Variants in XKR4 observed in about 807,000 individuals in gnomAD.
XKR4 encodes XK-related protein 4.
XKR4 carries 12 observed loss-of-function variants against 53.9 expected under a neutral mutation model. The observed-to-expected ratio is 0.22, with a 90% CI of 0.14 to 0.36. The LOEUF (loss-of-function observed/expected upper bound fraction) is 0.36. XKR4 is among the 10% of genes least tolerant of loss of function. The probability of loss-of-function intolerance (pLI) is 1.00; values close to 1 mark genes in which losing one functional copy is unlikely to be tolerated. For missense variants in XKR4, 799 were observed against 859.5 expected, an observed-to-expected ratio of 0.93 and a Z score of 0.88; for synonymous variants, 354 against 362.4, an observed-to-expected ratio of 0.98 and a Z score of 0.26.
At chr8:55,454,003 C>T (rs773825268) in intron 2 of XKR4, 23 of 864,870 alleles carry the variant, frequency 2.7e-5, no homozygotes, top group Admixed American at 1.5e-4. Flanking sequence ...TGACAGGCTC[C>T]GGGTGAATGC....
chr8:55,103,851 G>GTA (rs60831330), intron 1 of XKR4, among the ~76,000 whole-genome samples: 7,090 of 104,304 alleles, frequency 0.068, 206 homozygotes, highest in Non-Finnish European at 0.085. Context: ...AAATGACTTT[G>GTA]TATATATATA....
intron 2 of XKR4, among the ~76,000 whole-genome samples, chr8:55,386,586 A>G (rs1271657547): frequency 6.6e-6 from 1 of 152,212 alleles, no homozygotes; most frequent in Non-Finnish European, 1.5e-5. Context: ...TATTGCCAAA[A>G]TGGAGATTGG....
At chr8:55,318,783 C>T (rs1015177312) in intron 1 of XKR4, among the ~76,000 whole-genome samples, 2 of 152,146 alleles carry the variant, frequency 1.3e-5, no homozygotes, top group Non-Finnish European at 2.9e-5. Flanking sequence ...CACGCAACCT[C>T]CAGAGCAGTG....
chr8:55,282,704 G>A (rs1355593185), intron 1 of XKR4, among the ~76,000 whole-genome samples: 1 of 152,150 alleles, frequency 6.6e-6, no homozygotes, highest in Non-Finnish European at 1.5e-5. Context: ...ATTTTGACAC[G>A]AGATTTGGAG....
intron 1 of XKR4, among the ~76,000 whole-genome samples, chr8:55,343,104 G>A (rs544162800): frequency 3.3e-5 from 5 of 152,258 alleles, no homozygotes; most frequent in East Asian, 3.9e-4. Flanking sequence ...AACTTTTCTC[G>A]AGAAGGGCTC....
chr8:55,233,630 G>A (rs1312237471), intron 1 of XKR4, among the ~76,000 whole-genome samples: 1 of 152,234 alleles, frequency 6.6e-6, no homozygotes, highest in Non-Finnish European at 1.5e-5. Flanking sequence ...CAGTCACACT[G>A]CATATTTGTC....
At chr8:55,324,890 A>G (rs770959573) in intron 1 of XKR4, among the ~76,000 whole-genome samples, 3 of 152,144 alleles carry the variant, frequency 2.0e-5, no homozygotes, top group Non-Finnish European at 4.4e-5. Context: ...CCCATATCAA[A>G]CTTTAAAATA....
At chr8:55,121,436 C>T (rs569919434) in intron 1 of XKR4, among the ~76,000 whole-genome samples, 8 of 152,236 alleles carry the variant, frequency 5.3e-5, no homozygotes, top group South Asian at 2.1e-4. Context: ...GTTAAGATAC[C>T]GTGAACTTGT....
intron 2 of XKR4, among the ~76,000 whole-genome samples, chr8:55,428,460 C>G (rs2129393243): frequency 6.6e-6 from 1 of 152,314 alleles, no homozygotes; most frequent in Non-Finnish European, 1.5e-5. Context: ...CCAAACACCA[C>G]AGAAAACACT....
intron 2 of XKR4, among the ~76,000 whole-genome samples, chr8:55,382,894 T>C (rs770935623): frequency 6.7e-6 from 1 of 149,232 alleles, no homozygotes; most frequent in Non-Finnish European, 1.5e-5. Context: ...CCCAGGCACA[T>C]TTGGGTGAGT....
chr8:55,168,456 G>A (rs1817101079), intron 1 of XKR4, among the ~76,000 whole-genome samples: 1 of 152,134 alleles, frequency 6.6e-6, no homozygotes. Flanking sequence ...ATTTTAAAAT[G>A]CATCCTATGT....
At chr8:55,276,206 C>T (rs192576102) in intron 1 of XKR4, among the ~76,000 whole-genome samples, 4 of 152,280 alleles carry the variant, frequency 2.6e-5, no homozygotes, top group African/African-American at 9.6e-5. Flanking sequence ...TTGTATTTAA[C>T]ACAACACCCT....
intron 2 of XKR4, among the ~76,000 whole-genome samples, chr8:55,510,911 C>T (rs538477378): frequency 7.9e-5 from 12 of 152,286 alleles, no homozygotes; most frequent in African/African-American, 2.6e-4. Context: ...CACTTCTGAG[C>T]CCTTGGGGTC....
At chr8:55,222,492 C>T (rs1426698006) in intron 1 of XKR4, among the ~76,000 whole-genome samples, 1 of 152,216 alleles carries the variant, frequency 6.6e-6, no homozygotes, top group Non-Finnish European at 1.5e-5. Context: ...AGCTTTTGTC[C>T]ACCTCACAGT....
At position 55,274,881 on chromosome 8, in the gene XKR4, G is replaced by A. The variant is rs143439326; in HGVS notation, c.807-82797G>A. 2.3e-3 allele frequency among the ~76,000 whole-genome samples: 344 copies of A among 152,222 alleles called. 1 individual carries two copies. Among genetic ancestry groups the A allele is most frequent in the African/African-American group, 7.8e-3 (323 of 41,524 alleles). ...AAACATGGGGAAGTGGGGCGGATAG[G>A]CAACAGTTCAGTCCATGACAGTGCC... On this transcript the variant is annotated intron_variant, in intron 1 of 2. Coordinates refer to ENST00000327381, the MANE Select transcript of XKR4 (RefSeq NM_052898.2).
At chr8:55,302,106 T>C (rs999287922) in intron 1 of XKR4, among the ~76,000 whole-genome samples, 3 of 152,032 alleles carry the variant, frequency 2.0e-5, no homozygotes, top group African/African-American at 4.8e-5. Context: ...CTAGGTTTTC[T>C]TCTAGGGTTT....
rs1807082386 is a variant in XKR4, at chr8:55,540,304, G to A, written c.*16077G>A. On this transcript the variant is annotated 3_prime_UTR_variant, in exon 3 of 3. Transcript: ENST00000327381. ...ATGAACAAGTGATAGAAAACATATG[G>A]AAATTCTCTTTTGATCAAAAGGAGT... 1 of 152,158 alleles carries A rather than the reference G, an allele frequency of 6.6e-6. No homozygotes were observed. Among genetic ancestry groups the A allele is most frequent in the Non-Finnish European group, 1.5e-5 (1 of 68,028 alleles). The allele number at this position is 152,158 out of a possible 1,614,324, so 9.4% of individuals were successfully genotyped here.
At position 55,508,690 on chromosome 8, in the gene XKR4, C is replaced by T. The variant is rs1387991147; in HGVS notation, c.1007-14591C>T. ...TTCAAGAGAGAAGGAGGTGGAGGCCCTGAGCATTCCCAGGGGCTAGTCTGG... is the reference window on the plus strand; with the variant it reads ...TTCAAGAGAGAAGGAGGTGGAGGCCTTGAGCATTCCCAGGGGCTAGTCTGG... On this transcript the variant is annotated intron_variant, in intron 2 of 2. Transcript: ENST00000327381. Among the ~76,000 whole-genome samples, 3 of 152,310 alleles carry T rather than the reference C, an allele frequency of 2.0e-5. No individual in the cohort carries two copies. The East Asian group carries it at 5.8e-4, about 29-fold the overall frequency.
At chr8:55,303,191 G>C (rs899774957) in intron 1 of XKR4, among the ~76,000 whole-genome samples, 6 of 152,146 alleles carry the variant, frequency 3.9e-5, no homozygotes, top group African/African-American at 7.2e-5. Context: ...AATTTATTGA[G>C]AGTTTTTAGC....
Sources: gnomAD v4.1 joint callset for allele counts (sites outside exome capture counted in the v4.1 genomes callset) on GRCh38, gnomAD v4.1.1 for gene constraint, MANE v1.5 for transcripts, NCBI Gene and HGNC (gene_info 2026-07-23, HGNC 2026-07-21) for gene names.